CTNNA1: variants seen among roughly 807,000 people sequenced by gnomAD.
CTNNA1 encodes catenin alpha-1.
CTNNA1 carries 37 observed loss-of-function variants against 98.4 expected under a neutral mutation model. The observed-to-expected ratio is 0.38, with a 90% CI of 0.29 to 0.49. CTNNA1 has a LOEUF of 0.49. CTNNA1 is among the 20% of genes least tolerant of loss of function. The probability of loss-of-function intolerance (pLI) is 0.95; values close to 1 mark genes in which losing one functional copy is unlikely to be tolerated. For synonymous variants in CTNNA1, 404 were observed against 413.2 expected (o/e 0.98, Z 0.27); for missense variants, 761 against 1,147.2 (o/e 0.66, Z 4.86).
chr5:138,771,703 T>C (rs1358248837), intron 1 of CTNNA1, among the ~76,000 whole-genome samples: 1 of 152,164 alleles, frequency 6.6e-6, no homozygotes, highest in Admixed American at 6.5e-5. Flanking sequence ...CTTGATTTTT[T>C]TGGCAGTTAC....
At chr5:138,835,736 A>G (rs999842456) in intron 7 of CTNNA1, among the ~76,000 whole-genome samples, 4 of 152,220 alleles carry the variant, frequency 2.6e-5, no homozygotes, top group African/African-American at 9.6e-5. Flanking sequence ...CATATCTGTT[A>G]TCTTAGAGTT....
At chr5:138,769,574 C>A (rs2149601045) in intron 1 of CTNNA1, among the ~76,000 whole-genome samples, 1 of 151,820 alleles carries the variant, frequency 6.6e-6, no homozygotes, top group Middle Eastern at 3.4e-3. Flanking sequence ...CTCTTGTTGC[C>A]CAGGCCGGAG....
intron 5 of CTNNA1, among the ~76,000 whole-genome samples, chr5:138,823,341 C>T (rs1212503663): frequency 6.6e-6 from 1 of 152,100 alleles, no homozygotes; most frequent in Non-Finnish European, 1.5e-5. Context: ...GACCTCAAAT[C>T]CTTCTTACTG....
chr5:138,875,909 G>A (rs904380512), intron 7 of CTNNA1, among the ~76,000 whole-genome samples: 1 of 152,182 alleles, frequency 6.6e-6, no homozygotes, highest in African/African-American at 2.4e-5. Context: ...AATAAAGGGG[G>A]AGGGGAAGCT....
At chr5:138,779,464 C>T (rs1342640981) in intron 1 of CTNNA1, among the ~76,000 whole-genome samples, 2 of 152,030 alleles carry the variant, frequency 1.3e-5, no homozygotes, top group Non-Finnish European at 2.9e-5. Flanking sequence ...TTAGTCTTGT[C>T]CCCTTTCCGC....
intron 1 of CTNNA1, among the ~76,000 whole-genome samples, chr5:138,756,778 T>C (rs1751698690): frequency 6.6e-6 from 1 of 152,170 alleles, no homozygotes; most frequent in Non-Finnish European, 1.5e-5. Context: ...TTAAGACTCC[T>C]GCTAGTGCTT....
chr5:138,852,167 A>T (rs1296579092), intron 7 of CTNNA1, among the ~76,000 whole-genome samples: 1 of 152,230 alleles, frequency 6.6e-6, no homozygotes, highest in East Asian at 1.9e-4. Context: ...GAGGTCTCTA[A>T]TGGGCCTGGC....
At chr5:138,770,576 C>T (rs1309691579) in intron 1 of CTNNA1, among the ~76,000 whole-genome samples, 1 of 152,226 alleles carries the variant, frequency 6.6e-6, no homozygotes, top group Non-Finnish European at 1.5e-5. Context: ...TGTGTTCCCT[C>T]TGCCTGGAAT....
chr5:138,796,388 CA>C (rs35018736), intron 3 of CTNNA1, among the ~76,000 whole-genome samples: 97,490 of 151,804 alleles, frequency 0.64, 32,170 homozygotes, highest in East Asian at 0.89. Context: ...ACTAAAAATA[CA>C]AAAAATTAGC....
chr5:138,855,927 T>C (rs1305443478), intron 7 of CTNNA1, among the ~76,000 whole-genome samples: 2 of 152,206 alleles, frequency 1.3e-5, no homozygotes, highest in Non-Finnish European at 2.9e-5. Flanking sequence ...ATTATTACAA[T>C]TTTTGAAAGA....
chr5:138,879,085 C>T (rs1030833681), intron 7 of CTNNA1, among the ~76,000 whole-genome samples: 5 of 146,152 alleles, frequency 3.4e-5, no homozygotes, highest in Non-Finnish European at 6.0e-5. Context: ...TGACAGGAGC[C>T]TGTAATCCTA....
chr5:138,907,001 C>G (rs1759401436), intron 10 of CTNNA1, among the ~76,000 whole-genome samples: 2 of 152,058 alleles, frequency 1.3e-5, no homozygotes, highest in African/African-American at 4.8e-5. Flanking sequence ...CCTTCCTCCT[C>G]CTCCTTCTTT....
At chr5:138,898,161 C>G (rs898470347) in intron 9 of CTNNA1, among the ~76,000 whole-genome samples, 3 of 142,148 alleles carry the variant, frequency 2.1e-5, no homozygotes, top group Non-Finnish European at 3.1e-5. Flanking sequence ...CTCCCCCACC[C>G]CCCCCCACCC....
At chr5:138,804,195 G>A (rs1361857814) in intron 3 of CTNNA1, among the ~76,000 whole-genome samples, 1 of 152,208 alleles carries the variant, frequency 6.6e-6, no homozygotes, top group African/African-American at 2.4e-5. Flanking sequence ...ATAAAGTCTA[G>A]TTGCATAGCT....
chr5:138,839,647 C>CT (rs1371813538), intron 7 of CTNNA1, among the ~76,000 whole-genome samples: 1 of 152,154 alleles, frequency 6.6e-6, no homozygotes, highest in Non-Finnish European at 1.5e-5. Flanking sequence ...CAGTCTCCAA[C>CT]TTTAATTGTA....
intron 9 of CTNNA1, 106 bp from the exon 10 acceptor site, chr5:138,904,243 G>T (rs1758678402): frequency 7.4e-7 from 1 of 1,359,918 alleles, no homozygotes; most frequent in Non-Finnish European, 9.8e-7. Context: ...CACCCTTGGT[G>T]CCCTTGTCAT....
intron 10 of CTNNA1, among the ~76,000 whole-genome samples, chr5:138,905,771 A>T (rs1412068429): frequency 6.6e-6 from 1 of 152,230 alleles, no homozygotes; most frequent in Non-Finnish European, 1.5e-5. Context: ...ACTCCTTGTC[A>T]TTCCAGGGAT....
At chr5:138,779,997 T>G (rs564994118) in intron 1 of CTNNA1, among the ~76,000 whole-genome samples, 113 of 152,226 alleles carry the variant, frequency 7.4e-4, no homozygotes, top group Non-Finnish European at 1.0e-3. Context: ...TGTGTCATTG[T>G]TACATAATTT....
chr5:138,811,566 T>A (rs1051447020), intron 4 of CTNNA1, among the ~76,000 whole-genome samples: 1 of 151,382 alleles, frequency 6.6e-6, no homozygotes, highest in Non-Finnish European at 1.5e-5. Context: ...CCAAGGCAGG[T>A]GGCTGGGAGG....
Sources: gnomAD v4.1 joint callset for allele counts (sites outside exome capture counted in the v4.1 genomes callset) on GRCh38, gnomAD v4.1.1 for gene constraint, MANE v1.5 for transcripts, NCBI Gene and HGNC (gene_info 2026-07-23, HGNC 2026-07-21) for gene names.